SPTB: variants seen among roughly 807,000 people sequenced by gnomAD.
The protein encoded by SPTB is spectrin beta, erythrocytic.
In SPTB, 45 loss-of-function variants were observed where a neutral mutation model predicts 256.2. The observed-to-expected ratio is 0.18, with a 90% CI of 0.14 to 0.23. The LOEUF (loss-of-function observed/expected upper bound fraction) is 0.23, where lower values mean the gene tolerates loss of function less well. SPTB is among the 10% of genes least tolerant of loss of function. The pLI is 1.00. For synonymous variants in SPTB, 1,231 were observed against 1,243.1 expected (o/e 0.99, Z 0.21); for missense variants, 2,715 against 3,040.4 (o/e 0.89, Z 2.52).
rs1255960476 is a variant in SPTB, at chr14:64,796,454, G to A, written c.1341+103C>T. 9 of 1,503,350 alleles carry A rather than the reference G, an allele frequency of 6.0e-6. No homozygotes were observed. The East Asian group carries it at 9.0e-5, about 15-fold the overall frequency. The allele number at this position is 1,503,350 out of a possible 1,614,324, so 93.1% of individuals were successfully genotyped here. ...ACGGGGGAGCTGTGCTGCAAGGCACGAGGAGAGGCTGTGAGAAGCCAGCTT... is the reference window on the plus strand; with the variant it reads ...ACGGGGGAGCTGTGCTGCAAGGCACAAGGAGAGGCTGTGAGAAGCCAGCTT... On this transcript the variant is annotated intron_variant, in intron 11 of 35. Coordinates refer to ENST00000644917, the MANE Select transcript of SPTB (RefSeq NM_001355436.2). The surrounding 1 kb of genome is among the most constrained non-coding windows in gnomAD (Gnocchi z 4.1).
rs746454291 is a variant in SPTB at position 64,758,284 on chromosome 14, C to T, written c.6346-4491G>A. Among the ~76,000 whole-genome samples the T allele has an allele frequency of 1.3e-5, 2 of 152,230 alleles. No individual in the cohort carries two copies. The highest frequency in any genetic ancestry group is 2.9e-5 in the Non-Finnish European group (2 of 68,036). ...GGACTGAGAAATGGGGAATGGGAAT[C>T]TCAGCCACTGGCAGGCAAGGCCTCA... is the stretch of plus-strand genomic sequence containing the variant. On this transcript the variant is annotated intron_variant, in intron 32 of 35. Transcript: ENST00000644917. The surrounding 1 kb of genome is among the most constrained non-coding windows in gnomAD (Gnocchi z 4.6).
chr14:64,871,607 A>G (rs531113465), intron 1 of SPTB, among the ~76,000 whole-genome samples: 1 of 152,274 alleles, frequency 6.6e-6, no homozygotes, highest in South Asian at 2.1e-4. Flanking sequence ...TAAATCTGAA[A>G]CCTAACACGT....
In SPTB at chr14:64,847,095, G is replaced by T. The variant is rs889759555; in HGVS notation, c.-51-23950C>A. 1.3e-5 allele frequency among the ~76,000 whole-genome samples: 2 copies of T among 152,178 alleles called. No homozygotes were observed. The highest frequency in any genetic ancestry group is 2.1e-4 in the South Asian group (1 of 4,826). ...TGTCTATGTGTAGCTCCACCTCGGG[G>T]TGTGATTTCCTCAGTTGTTCACTGG... On this transcript the variant is annotated intron_variant, in intron 1 of 35. Coordinates refer to ENST00000644917, the MANE Select transcript of SPTB (RefSeq NM_001355436.2). This position sits in a 1 kb window ranked among gnomAD's most constrained non-coding sequence, Gnocchi z 5.9.
At chr14:64,762,639 G>A (rs1045234244) in intron 32 of SPTB, among the ~76,000 whole-genome samples, 2 of 152,058 alleles carry the variant, frequency 1.3e-5, no homozygotes, top group Non-Finnish European at 2.9e-5. Context: ...TTCAGCCCTA[G>A]CGAGATACTC....
chr14:64,830,657 C>G (rs989933345), intron 1 of SPTB, among the ~76,000 whole-genome samples: 12 of 152,170 alleles, frequency 7.9e-5, no homozygotes, highest in Admixed American at 2.0e-4. Context: ...AGGCCCTCAT[C>G]TCTTCCCACT....
intron 1 of SPTB, among the ~76,000 whole-genome samples, chr14:64,839,100 C>T: frequency 6.6e-6 from 1 of 151,936 alleles, no homozygotes; most frequent in East Asian, 1.9e-4. Context: ...CCATTGCACT[C>T]CAGCCTGGGC....
At chr14:64,837,690 C>T (rs577015920) in intron 1 of SPTB, among the ~76,000 whole-genome samples, 69 of 152,298 alleles carry the variant, frequency 4.5e-4, no homozygotes, top group Non-Finnish European at 6.8e-4. Flanking sequence ...CAACCTCTGC[C>T]TCCCAGGTTC....
At chr14:64,859,323 A>G (rs2083921295) in intron 1 of SPTB, among the ~76,000 whole-genome samples, 1 of 152,266 alleles carries the variant, frequency 6.6e-6, no homozygotes, top group Non-Finnish European at 1.5e-5. Context: ...CATGAAATAT[A>G]GTGGAACAAT....
At chr14:64,798,121 T>A (rs191847314) in intron 9 of SPTB, among the ~76,000 whole-genome samples, 3 of 152,184 alleles carry the variant, frequency 2.0e-5, no homozygotes, top group Non-Finnish European at 4.4e-5. Context: ...TGCCTCTACA[T>A]GGGAAGCTGA....
chr14:64,863,581 T>C (rs985775433), intron 1 of SPTB, among the ~76,000 whole-genome samples: 5 of 152,190 alleles, frequency 3.3e-5, no homozygotes, highest in African/African-American at 4.8e-5. Context: ...GGCAATAACA[T>C]GTCCTGAGGA....
chr14:64,809,278 A>C (rs1382861991), intron 2 of SPTB, among the ~76,000 whole-genome samples: 2 of 150,638 alleles, frequency 1.3e-5, no homozygotes, highest in Non-Finnish European at 2.9e-5. Flanking sequence ...AAAAAAAAAA[A>C]AAAAAGGCCA....
At chr14:64,864,177 C>A (rs1325546420) in intron 1 of SPTB, among the ~76,000 whole-genome samples, 1 of 152,148 alleles carries the variant, frequency 6.6e-6, no homozygotes, top group Non-Finnish European at 1.5e-5. Flanking sequence ...ATAGGTCAGG[C>A]CAGGCATGGT....
chr14:64,872,956 C>T (rs1274864656), intron 1 of SPTB, among the ~76,000 whole-genome samples: 1 of 152,124 alleles, frequency 6.6e-6, no homozygotes, highest in Admixed American at 6.5e-5. Flanking sequence ...TCAATTAAAC[C>T]TCTTTCCTTT....
At position 64,853,927 on chromosome 14, in the gene SPTB, C is replaced by T. The variant is rs2083826212; in HGVS notation, c.-52+25865G>A. Among the ~76,000 whole-genome samples the T allele has an allele frequency of 6.6e-6, 1 of 152,178 alleles. No homozygotes were observed. The highest frequency in any genetic ancestry group is 1.5e-5 in the Non-Finnish European group (1 of 68,032). ...TTATCACTGGCCAGCCGCGGTGGCT[C>T]ACGCCTGTAATCCCAGTACTTTGGG... On this transcript the variant is annotated intron_variant, in intron 1 of 35. Coordinates refer to ENST00000644917, the MANE Select transcript of SPTB (RefSeq NM_001355436.2). The surrounding 1 kb of genome is among the most constrained non-coding windows in gnomAD (Gnocchi z 4.3).
chr14:64,780,509 G>A (rs229643), intron 20 of SPTB, among the ~76,000 whole-genome samples: 47 of 151,978 alleles, frequency 3.1e-4, no homozygotes, highest in Non-Finnish European at 5.4e-4. Flanking sequence ...CGCCTGCTGG[G>A]TTCAAGTGAT....
At chr14:64,813,353 G>A (rs2139669075) in intron 2 of SPTB, among the ~76,000 whole-genome samples, 1 of 152,286 alleles carries the variant, frequency 6.6e-6, no homozygotes, top group South Asian at 2.1e-4. Flanking sequence ...AAGATAAGTA[G>A]GAGCCAAGGC....
chr14:64,855,878 G>A (rs1227105294), intron 1 of SPTB, among the ~76,000 whole-genome samples: 1 of 152,184 alleles, frequency 6.6e-6, no homozygotes, highest in Non-Finnish European at 1.5e-5. Context: ...GGAGCAGGAG[G>A]CTGGCATCAC....
At chr14:64,814,746 G>T (rs1392043912) in intron 2 of SPTB, among the ~76,000 whole-genome samples, 1 of 152,036 alleles carries the variant, frequency 6.6e-6, no homozygotes, top group African/African-American at 2.4e-5. Flanking sequence ...CGAGCTCCTG[G>T]CCTCCCCGCT....
At chr14:64,761,123 G>A (rs1490136136) in intron 32 of SPTB, among the ~76,000 whole-genome samples, 2 of 152,296 alleles carry the variant, frequency 1.3e-5, no homozygotes, top group Non-Finnish European at 2.9e-5. Context: ...ACTGTGGGAT[G>A]TGGGGAGCCA....
Sources: allele counts gnomAD v4.1 joint callset (sites outside exome capture counted in the v4.1 genomes callset), GRCh38; gene constraint gnomAD v4.1.1; non-coding constraint Gnocchi (gnomAD v3.1); transcripts MANE v1.5; gene names NCBI Gene and HGNC (gene_info 2026-07-23, HGNC 2026-07-21).